Variants in AUTS2 observed in about 807,000 individuals in gnomAD.
AUTS2 encodes activator of transcription and developmental regulator AUTS2, also known as autism susceptibility gene 2 protein.
AUTS2 carries 17 observed loss-of-function variants against 112.4 expected under a neutral mutation model. That is an observed-to-expected ratio of 0.15 (90% CI 0.10 to 0.23). The LOEUF is 0.23. AUTS2 is among the 10% of genes least tolerant of loss of function. The pLI is 1.00. For missense variants in AUTS2, 1,510 were observed against 1,701.6 expected (o/e 0.89, Z 1.98); for synonymous variants, 751 against 702.7 (o/e 1.07, Z -1.09).
At chr7:70,167,176 T>G (rs1464717573) in intron 4 of AUTS2, among the ~76,000 whole-genome samples, 1 of 152,054 alleles carries the variant, frequency 6.6e-6, no homozygotes, top group Non-Finnish European at 1.5e-5. Flanking sequence ...CAGTGAGCCA[T>G]GATTGCACCA....
At chr7:69,809,218 G>A (rs550010407) in intron 1 of AUTS2, among the ~76,000 whole-genome samples, 20 of 152,206 alleles carry the variant, frequency 1.3e-4, no homozygotes, top group African/African-American at 4.6e-4. Flanking sequence ...GGGACTGCAG[G>A]CACCCGCCAC....
chr7:70,180,457 T>C (rs1470129608), intron 4 of AUTS2, among the ~76,000 whole-genome samples: 3 of 152,226 alleles, frequency 2.0e-5, no homozygotes, highest in Non-Finnish European at 4.4e-5. Context: ...TGGAAGTTAA[T>C]GATAGATGTC....
In AUTS2 at chr7:69,888,875, T is replaced by C. The variant is rs73429429; in HGVS notation, c.310-10411T>C. On this transcript the variant is annotated intron_variant, in intron 1 of 18. Coordinates refer to ENST00000342771, the MANE Select transcript of AUTS2 (RefSeq NM_015570.4). ...AGGCATGAGCCACCAGGCCCACCCA[T>C]TGGGGATATTTCAACATGAGTTTTG... Among the ~76,000 whole-genome samples, 750 of 151,984 alleles carry C rather than the reference T, an allele frequency of 4.9e-3. 8 individuals are homozygous for C. The highest frequency in any genetic ancestry group is 0.017 in the African/African-American group (706 of 41,488).
At chr7:70,713,243 C>CG (rs1810162217) in intron 6 of AUTS2, among the ~76,000 whole-genome samples, 2 of 152,176 alleles carry the variant, frequency 1.3e-5, no homozygotes, top group Admixed American at 6.5e-5. Flanking sequence ...TCACAGCACA[C>CG]AACACACACA....
intron 1 of AUTS2, among the ~76,000 whole-genome samples, chr7:69,618,128 G>A (rs1361336988): frequency 6.6e-6 from 1 of 152,208 alleles, no homozygotes; most frequent in Non-Finnish European, 1.5e-5. Context: ...TAGAGTTGTA[G>A]AGTTGGGATT....
intron 5 of AUTS2, among the ~76,000 whole-genome samples, chr7:70,446,997 T>A (rs2131003895): frequency 6.6e-6 from 1 of 152,300 alleles, no homozygotes; most frequent in East Asian, 1.9e-4. Context: ...CCTTGATGAC[T>A]TCAGCCCCCA....
chr7:69,679,425 C>G (rs186801522), intron 1 of AUTS2, among the ~76,000 whole-genome samples: 7 of 152,330 alleles, frequency 4.6e-5, no homozygotes, highest in Admixed American at 1.3e-4. Flanking sequence ...TAAGGCAGCT[C>G]TGAGAATTGT....
rs559166429 is a variant in AUTS2 at position 69,977,720 on chromosome 7, A to C, written c.522+78222A>C. On this transcript the variant is annotated intron_variant, in intron 2 of 18. Coordinates refer to ENST00000342771, the MANE Select transcript of AUTS2 (RefSeq NM_015570.4). ...TTCTGATTCTTTGGCTAAAGACAACAAACTTTTCTAGGGGCTTGTTTTGGT... is the reference window on the plus strand; with the variant it reads ...TTCTGATTCTTTGGCTAAAGACAACCAACTTTTCTAGGGGCTTGTTTTGGT... Among the ~76,000 whole-genome samples, 24 of 152,254 alleles carry C rather than the reference A, an allele frequency of 1.6e-4. No homozygotes were observed. In the East Asian group the frequency reaches 2.7e-3, roughly 17 times the overall value.
At chr7:69,633,185 A>G (rs1307654865) in intron 1 of AUTS2, among the ~76,000 whole-genome samples, 1 of 152,104 alleles carries the variant, frequency 6.6e-6, no homozygotes, top group African/African-American at 2.4e-5. Flanking sequence ...GAGATCATGC[A>G]ATATTTTTTT....
In AUTS2 at chr7:70,418,095, G is replaced by C. The variant is rs886305747; in HGVS notation, c.661-17657G>C. The stretch of plus-strand genomic sequence containing the variant: ...ACTTTCTGTGTGTGTGTGTGTGTGT[G>C]TGTGTGTGTGTGTGTGTCTGTGTGT... On this transcript the variant is annotated intron_variant, in intron 4 of 18. Coordinates refer to ENST00000342771, the MANE Select transcript of AUTS2 (RefSeq NM_015570.4). Among the ~76,000 whole-genome samples the C allele has an allele frequency of 2.7e-5, 4 of 147,006 alleles. No homozygotes were observed. In the South Asian group the frequency reaches 8.5e-4, roughly 31 times the overall value.
At chr7:70,661,677 C>A (rs143401757) in intron 5 of AUTS2, among the ~76,000 whole-genome samples, 12 of 151,938 alleles carry the variant, frequency 7.9e-5, no homozygotes, top group African/African-American at 2.9e-4. Flanking sequence ...ATCTGTAGAT[C>A]GATGCTGGTG....
intron 10 of AUTS2, among the ~76,000 whole-genome samples, chr7:70,769,044 G>T (rs185507042): frequency 6.6e-6 from 1 of 152,188 alleles, no homozygotes; most frequent in Non-Finnish European, 1.5e-5. Context: ...TTCATATTCT[G>T]AACCAGATAA....
intron 5 of AUTS2, among the ~76,000 whole-genome samples, chr7:70,559,818 C>T (rs77475258): frequency 0.015 from 2,291 of 152,292 alleles, 53 homozygotes; most frequent in African/African-American, 0.052. Flanking sequence ...GCCCCCCATT[C>T]CCATTGTTAT....
At chr7:70,515,573 C>T (rs1273345885) in intron 5 of AUTS2, among the ~76,000 whole-genome samples, 1 of 152,080 alleles carries the variant, frequency 6.6e-6, no homozygotes, top group African/African-American at 2.4e-5. Context: ...CTATGATGTC[C>T]AGTTAGATTT....
chr7:69,872,248 C>T (rs752324802), intron 1 of AUTS2, among the ~76,000 whole-genome samples: 17 of 152,216 alleles, frequency 1.1e-4, no homozygotes, highest in African/African-American at 3.9e-4. Context: ...TGTTTTCACA[C>T]TGAGGAAAGC....
At chr7:70,654,123 C>T (rs1806646723) in intron 5 of AUTS2, among the ~76,000 whole-genome samples, 1 of 152,150 alleles carries the variant, frequency 6.6e-6, no homozygotes, top group Admixed American at 6.5e-5. Context: ...GAAATCACTG[C>T]TAATGGTTAT....
At chr7:70,520,372 T>G (rs1267578419) in intron 5 of AUTS2, among the ~76,000 whole-genome samples, 3 of 152,214 alleles carry the variant, frequency 2.0e-5, no homozygotes, top group African/African-American at 7.2e-5. Context: ...CTCAGCCACA[T>G]GTTCCAGCCT....
At chr7:70,492,664 G>A (rs1479089160) in intron 5 of AUTS2, among the ~76,000 whole-genome samples, 1 of 152,202 alleles carries the variant, frequency 6.6e-6, no homozygotes, top group East Asian at 1.9e-4. Flanking sequence ...GCCCAGAAGT[G>A]CTGATTCCCA....
chr7:69,600,178 C>T (rs547130024), intron 1 of AUTS2, among the ~76,000 whole-genome samples: 4 of 152,036 alleles, frequency 2.6e-5, no homozygotes, highest in African/African-American at 7.2e-5. Flanking sequence ...GGTCTCGTTT[C>T]CTCGCTCGCC....
Sources: allele counts gnomAD v4.1 joint callset (sites outside exome capture counted in the v4.1 genomes callset), GRCh38; gene constraint gnomAD v4.1.1; transcripts MANE v1.5; gene names NCBI Gene and HGNC (gene_info 2026-07-23, HGNC 2026-07-21).